The following TDRD5 variants were observed in gnomAD, a reference collection of about 807,000 sequenced individuals.
The protein encoded by TDRD5 is tudor domain-containing protein 5.
In TDRD5, 41 loss-of-function variants were observed where a neutral mutation model predicts 120.6. That is an observed-to-expected ratio of 0.34 (90% confidence interval 0.26 to 0.44). The LOEUF (loss-of-function observed/expected upper bound fraction) is 0.44. TDRD5 is among the 20% of genes least tolerant of loss of function. The pLI, the probability that TDRD5 is intolerant of heterozygous loss-of-function variation, is 1.00. For synonymous variants in TDRD5, 430 were observed against 433.7 expected (o/e 0.99, Z 0.11); for missense variants, 1,006 against 1,221.2 (o/e 0.82, Z 2.63).
At chr1:179,637,839 A>G (rs888724302) in intron 9 of TDRD5, among the ~76,000 whole-genome samples, 1 of 152,234 alleles carries the variant, frequency 6.6e-6, no homozygotes, top group African/African-American at 2.4e-5. Flanking sequence ...GCTTAAGAAG[A>G]TAGGAGATAC....
At chr1:179,635,593 T>G (rs1239429323) in intron 8 of TDRD5, 74 bp from the exon 9 acceptor site, 3 of 1,325,180 alleles carry the variant, frequency 2.3e-6, no homozygotes, top group Non-Finnish European at 3.1e-6. Flanking sequence ...ATTCATGAAA[T>G]GTGCTTTGAG....
chr1:179,603,828 C>G (rs1272843699), intron 4 of TDRD5, among the ~76,000 whole-genome samples: 1 of 152,050 alleles, frequency 6.6e-6, no homozygotes, highest in African/African-American at 2.4e-5. Flanking sequence ...GGATATCGAT[C>G]TGTAGTTTTC....
intron 14 of TDRD5, among the ~76,000 whole-genome samples, chr1:179,656,776 G>T (rs988161130): frequency 1.3e-5 from 2 of 152,172 alleles, no homozygotes; most frequent in African/African-American, 4.8e-5. Flanking sequence ...TATGGGCTGG[G>T]CGCAGTGGCT....
At chr1:179,690,117 T>C (rs141493796) in intron 17 of TDRD5, among the ~76,000 whole-genome samples, 399 of 152,318 alleles carry the variant, frequency 2.6e-3, no homozygotes, top group Non-Finnish European at 4.2e-3. Context: ...CAGTTGGAAA[T>C]GCAGAAATCA....
chr1:179,593,927 AG>A (rs1675251651), intron 3 of TDRD5, 60 bp downstream of exon 3: 2 of 1,544,378 alleles, frequency 1.3e-6, no homozygotes, highest in African/African-American at 2.8e-5. Flanking sequence ...GTAATCACTA[AG>A]GTCTATGAGT....
At chr1:179,685,230 A>G (rs896167990) in intron 17 of TDRD5, among the ~76,000 whole-genome samples, 4 of 152,232 alleles carry the variant, frequency 2.6e-5, no homozygotes, top group African/African-American at 9.7e-5. Context: ...ATAAGGTGTA[A>G]GGAAGGGATC....
chr1:179,663,505 G>A lies in TDRD5; in HGVS notation c.2649+14G>A. 2.5e-6 allele frequency: 4 copies of A among 1,601,408 alleles called. No homozygotes were observed. Among genetic ancestry groups the A allele is most frequent in the Non-Finnish European group, 3.4e-6 (4 of 1,176,224 alleles). On this transcript the variant is annotated intron_variant, in intron 16 of 17. Transcript: ENST00000444136. ...AGGACTCAAAAGGTAAATGTCTAAT[G>A]CAGGTTATTGGGACAGGTTTGCATA... is the stretch of plus-strand genomic sequence containing the variant.
intron 17 of TDRD5, among the ~76,000 whole-genome samples, chr1:179,680,285 A>G (rs978361083): frequency 2.6e-5 from 4 of 152,180 alleles, no homozygotes; most frequent in African/African-American, 9.7e-5. Context: ...ATGATAGGCA[A>G]AGTATTTCAT....
chr1:179,662,190 T>C lies in TDRD5; in HGVS notation c.2409T>C (p.Ala803=), dbSNP rs1444835069. Residue 803 remains alanine, a synonymous_variant, in exon 15 of 18, where the codon GCT becomes GCC. Coordinates refer to ENST00000444136, the MANE Select transcript of TDRD5 (RefSeq NM_001199085.3). ...IWDENWLPLQ[A]KMGKGGDAAS... ...ATGAGAACTGGTTACCTCTACAGGC[T>C]AAGATGGGAAAAGGAGGTGATGCTG... 1.9e-5 allele frequency: 31 copies of C among 1,613,006 alleles called. No individual in the cohort carries two copies. The highest frequency in any genetic ancestry group is 2.3e-5 in the Non-Finnish European group (27 of 1,179,628).
At chr1:179,686,406 G>T (rs1342552450) in intron 17 of TDRD5, among the ~76,000 whole-genome samples, 10 of 152,172 alleles carry the variant, frequency 6.6e-5, no homozygotes, top group African/African-American at 2.4e-4. Context: ...CTTGATCATG[G>T]TGGATAAGCT....
chr1:179,592,818 C>A lies in TDRD5; in HGVS notation c.203C>A (p.Pro68His). Residue 68 changes from proline (P) to histidine (H), a missense_variant, in exon 2 of 18, where the codon CCC (proline) becomes CAC (histidine). Coordinates refer to ENST00000444136, the MANE Select transcript of TDRD5 (RefSeq NM_001199085.3). The stretch of plus-strand genomic sequence containing the variant: ...ATGCCTGATGTTGTTCGTGTCTGCC[C>A]CGGTGCAGGTGGTACTGTAATACTG... ...LDMPDVVRVC[P>H]GAGGTVILKA... 1.9e-6 allele frequency: 3 copies of A among 1,614,066 alleles called. No homozygotes were observed. The highest frequency in any genetic ancestry group is 2.5e-6 in the Non-Finnish European group (3 of 1,180,006).
intron 4 of TDRD5, among the ~76,000 whole-genome samples, chr1:179,614,714 G>C (rs944180954): frequency 2.0e-5 from 3 of 151,774 alleles, no homozygotes; most frequent in Non-Finnish European, 4.4e-5. Flanking sequence ...GATACCTTCA[G>C]GTGTATTATC....
chr1:179,672,961 A>G (rs559915303), intron 17 of TDRD5, among the ~76,000 whole-genome samples: 3 of 152,120 alleles, frequency 2.0e-5, no homozygotes, highest in South Asian at 2.1e-4. Flanking sequence ...CTATGTGCCT[A>G]TCTTTATGCC....
chr1:179,663,089 T>A lies in TDRD5; in HGVS notation c.2506-259T>A, dbSNP rs555475734. On this transcript the variant is annotated intron_variant, in intron 15 of 17. Transcript: ENST00000444136. ...AAGTACTAGGTGATCATGAAAAAAA[T>A]CATCTAGCCATGAAAAAGATATTAA... Among the ~76,000 whole-genome samples the A allele has an allele frequency of 1.6e-3, 247 of 152,252 alleles. 2 individuals carry two copies. The highest frequency in any genetic ancestry group is 5.8e-3 in the African/African-American group (242 of 41,562).
Position 179,621,096 on chromosome 1 carries a change from G to A in TDRD5, c.972+5G>A, listed in dbSNP as rs1676817575. 6.3e-7 allele frequency: 1 copy of A among 1,592,140 alleles called. No homozygotes were observed. The highest frequency in any genetic ancestry group is 1.9e-5 in the Admixed American group (1 of 53,750). Reference sequence around the variant, plus strand: ...AAACTGCTTGGAGAGTATGAGGTAAGTGTTTTGCTTTTCCCCAACCCTAAT... The same window carrying A: ...AAACTGCTTGGAGAGTATGAGGTAAATGTTTTGCTTTTCCCCAACCCTAAT... On this transcript the variant is annotated splice_donor_5th_base_variant and intron_variant, in intron 6 of 17. Coordinates refer to ENST00000444136, the MANE Select transcript of TDRD5 (RefSeq NM_001199085.3).
intron 17 of TDRD5, among the ~76,000 whole-genome samples, chr1:179,690,051 C>CCCCACTGTCCTGCA (rs1213273211): frequency 6.6e-5 from 10 of 152,076 alleles, no homozygotes; most frequent in Admixed American, 3.9e-4. Context: ...TGTGGGCTGC[C>CCCCACTGTCCTGCA]CCCACTGTCC....
At chr1:179,668,552 C>T (rs1679673433) in intron 16 of TDRD5, among the ~76,000 whole-genome samples, 1 of 152,172 alleles carries the variant, frequency 6.6e-6, no homozygotes, top group South Asian at 2.1e-4. Context: ...GATAACCTAG[C>T]ACTGTGCCCG....
At chr1:179,594,656 A>C (rs1195829750) in intron 3 of TDRD5, among the ~76,000 whole-genome samples, 2 of 152,238 alleles carry the variant, frequency 1.3e-5, no homozygotes, top group East Asian at 3.8e-4. Context: ...TTCTATGCTT[A>C]TTTCAGTGAT....
intron 12 of TDRD5, among the ~76,000 whole-genome samples, chr1:179,651,725 AAC>A (rs1678722989): frequency 6.6e-6 from 1 of 152,152 alleles, no homozygotes; most frequent in Non-Finnish European, 1.5e-5. Flanking sequence ...CATCCTGGCT[AAC>A]ACAGTGAAAC....
Sources: allele counts gnomAD v4.1 joint callset (sites outside exome capture counted in the v4.1 genomes callset), GRCh38; gene constraint gnomAD v4.1.1; transcripts MANE v1.5; gene names NCBI Gene and HGNC (gene_info 2026-07-23, HGNC 2026-07-21).